The following DNAH17 variants were observed in gnomAD, a reference collection of about 807,000 sequenced individuals.
The protein encoded by DNAH17 is dynein axonemal heavy chain 17.
In DNAH17, 376 loss-of-function variants were observed where a neutral mutation model predicts 485.6. The ratio of observed to expected loss-of-function variants is 0.77; its 90% CI spans 0.71 to 0.84. The LOEUF is 0.84. Among genes scored for constraint, DNAH17 ranks in the 40% least tolerant of loss-of-function variants. DNAH17 has a pLI of 0.00. For synonymous variants in DNAH17, 3,031 were observed against 2,405.9 expected, an observed-to-expected ratio of 1.26 and a Z score of -7.60; for missense variants, 6,370 against 5,839.3, an observed-to-expected ratio of 1.09 and a Z score of -2.96.
At chr17:78,460,506 G>A (rs1348002489) in intron 58 of DNAH17, among the ~76,000 whole-genome samples, 1 of 152,248 alleles carries the variant, frequency 6.6e-6, no homozygotes, top group African/African-American at 2.4e-5. Flanking sequence ...AGCTCCATAA[G>A]AGAGGCTGCC....
rs113440957 is a variant in DNAH17 at position 78,542,421 on chromosome 17, T to G, written c.2532+1436A>C. Among the ~76,000 whole-genome samples the G allele has an allele frequency of 1.6e-4, 25 of 152,310 alleles. 1 individual carries two copies. Among genetic ancestry groups the G allele is most frequent in the African/African-American group, 5.5e-4 (23 of 41,560 alleles). On this transcript the variant is annotated intron_variant, in intron 17 of 80. Transcript: ENST00000389840. ...CCTCGGCCTCCCAAAGTGCTGGGAC[T>G]ACCAGCGTGAGCCACTACGCCCAGC...
At position 78,424,005 on chromosome 17, in the gene DNAH17, G is replaced by A; in HGVS notation, c.13290C>T (p.Arg4430=). ...TCCAGACATAGGTGGGGCCGCGGAT[G>A]CGTGTTTTGTACACGGGACACTCAT... ...NIYECPVYKT[R]IRGPTYVWTF... Residue 4430 remains arginine, a synonymous_variant, in exon 81 of 81, where the codon CGC becomes CGT. Transcript: ENST00000389840. 6.2e-7 allele frequency: 1 copy of A among 1,614,066 alleles called. No individual in the cohort carries two copies. Among genetic ancestry groups the A allele is most frequent in the Non-Finnish European group, 8.5e-7 (1 of 1,179,906 alleles).
chr17:78,545,917 T>C (rs1328425136), intron 16 of DNAH17, among the ~76,000 whole-genome samples: 1 of 152,202 alleles, frequency 6.6e-6, no homozygotes, highest in Non-Finnish European at 1.5e-5. Flanking sequence ...TAATATTTTA[T>C]GTGTATGTAT....
chr17:78,534,822 T>C (rs1009943611), intron 19 of DNAH17, among the ~76,000 whole-genome samples: 6 of 152,122 alleles, frequency 3.9e-5, no homozygotes, highest in African/African-American at 1.4e-4. Context: ...TGTGGCAGCC[T>C]GGGGCCCACA....
chr17:78,529,233 T>C (rs2091161419), intron 22 of DNAH17, among the ~76,000 whole-genome samples: 2 of 152,012 alleles, frequency 1.3e-5, no homozygotes, highest in Admixed American at 1.3e-4. Context: ...ACATTTTTAA[T>C]CCAACAAAAC....
chr17:78,556,282 T>C (rs57567002), intron 14 of DNAH17, among the ~76,000 whole-genome samples: 23,166 of 152,080 alleles, frequency 0.15, 1,982 homozygotes, highest in East Asian at 0.34. Context: ...TCTGGAGAAC[T>C]CTAACTAATA....
intron 75 of DNAH17, among the ~76,000 whole-genome samples, chr17:78,430,886 T>C (rs2086646969): frequency 6.7e-6 from 1 of 149,110 alleles, no homozygotes; most frequent in Non-Finnish European, 1.5e-5. Flanking sequence ...CCAGCCCATA[T>C]GTATATGTTT....
At chr17:78,463,170 G>C (rs2088227785) in intron 56 of DNAH17, 93 bp from the exon 57 acceptor site, 2 of 1,210,688 alleles carry the variant, frequency 1.7e-6, no homozygotes, top group Admixed American at 2.1e-5. Context: ...CCTGGACAAG[G>C]TGCCCTGAGA....
intron 16 of DNAH17, among the ~76,000 whole-genome samples, chr17:78,551,287 G>A (rs1327808807): frequency 1.3e-5 from 2 of 152,202 alleles, no homozygotes; most frequent in Non-Finnish European, 2.9e-5. Flanking sequence ...TACTGGCACT[G>A]GCCTGGCACA....
intron 33 of DNAH17, 30 bp downstream of exon 33, chr17:78,502,561 A>C: frequency 3.1e-6 from 5 of 1,589,508 alleles, no homozygotes; most frequent in Non-Finnish European, 4.3e-6. Flanking sequence ...AAGTTTTAAA[A>C]ACGTAACTAA....
intron 25 of DNAH17, among the ~76,000 whole-genome samples, chr17:78,518,776 A>G (rs2090855988): frequency 6.6e-6 from 1 of 152,232 alleles, no homozygotes. Context: ...ATACATTTAA[A>G]ATAATGAAAG....
Position 78,449,878 on chromosome 17 carries a change from G to GTTGGTCAGGCTGGTCTTGAACTC in DNAH17, c.11041-317_11041-295dup. On this transcript the variant is annotated intron_variant, in intron 68 of 80. Coordinates refer to ENST00000389840, the MANE Select transcript of DNAH17 (RefSeq NM_173628.4). ...TTTAGTACAGACAGGGTTTCACCATGTTGGTCAGGCTGGTCTTGAACTCCT... is the reference window on the plus strand; with the variant it reads ...TTTAGTACAGACAGGGTTTCACCATGTTGGTCAGGCTGGTCTTGAACTCTTGGTCAGGCTGGTCTTGAACTCCT... 1.2e-5 allele frequency: 5 copies of GTTGGTCAGGCTGGTCTTGAACTC among 430,016 alleles called. No homozygotes were observed. The South Asian group carries it at 1.5e-4, about 13-fold the overall frequency. 26.6% of individuals were successfully genotyped at this position (430,016 alleles called of 1,614,324 possible). A position where few individuals can be genotyped will look rare whatever the true frequency, so the allele number is the denominator to read the frequency against.
chr17:78,477,981 T>TCACCACCATCACCAC (rs1568117196), intron 51 of DNAH17, among the ~76,000 whole-genome samples: 7 of 105,670 alleles, frequency 6.6e-5, no homozygotes, highest in Non-Finnish European at 1.3e-4. Flanking sequence ...ACCATCATCA[T>TCACCACCATCACCAC]CACCACCATC....
chr17:78,491,467 G>C lies in DNAH17; in HGVS notation c.6645C>G (p.Leu2215=). The C allele has an allele frequency of 2.5e-6, 4 of 1,613,022 alleles. No homozygotes were observed. Among genetic ancestry groups the C allele is most frequent in the Non-Finnish European group, 3.4e-6 (4 of 1,179,556 alleles). ...GDIDPMWIES[L]NTVMDDNKVL... Reference sequence around the variant, plus strand: ...CCTTGTTGTCATCCATGACTGTGTTGAGAGACTCGATCCACATGGGGTCTA... The same window carrying C: ...CCTTGTTGTCATCCATGACTGTGTTCAGAGACTCGATCCACATGGGGTCTA... Residue 2215 remains leucine, a synonymous_variant, in exon 43 of 81, where the codon CTC becomes CTG. Coordinates refer to ENST00000389840, the MANE Select transcript of DNAH17 (RefSeq NM_173628.4).
rs747666226 is a variant in DNAH17 at position 78,428,565 on chromosome 17, G to A, written c.12548C>T (p.Thr4183Met). The stretch of plus-strand genomic sequence containing the variant: ...CACTCCCGTGCCTGCCCCCGAGTCC[G>A]TCTCTTTTGGCTGCATTTCCAGGAC... ...RTVLEMQPKETDSGAGTGVSR... is the reference protein window; with the variant it reads ...RTVLEMQPKEMDSGAGTGVSR... Residue 4183 changes from threonine to methionine, a missense_variant, in exon 77 of 81, where the codon ACG becomes ATG. Coordinates refer to ENST00000389840, the MANE Select transcript of DNAH17 (RefSeq NM_173628.4). 1.2e-5 allele frequency: 20 copies of A among 1,613,602 alleles called. No individual in the cohort carries two copies. The highest frequency in any genetic ancestry group is 1.6e-4 in the Middle Eastern group (1 of 6,062).
intron 19 of DNAH17, among the ~76,000 whole-genome samples, chr17:78,533,694 T>C (rs572179402): frequency 2.2e-4 from 34 of 152,306 alleles, no homozygotes; most frequent in African/African-American, 7.9e-4. Flanking sequence ...TGACATCTTA[T>C]TTCTTTTTGA....
intron 18 of DNAH17, among the ~76,000 whole-genome samples, chr17:78,537,795 A>C (rs2091417506): frequency 6.6e-6 from 1 of 152,184 alleles, no homozygotes. Context: ...GAGTCACTTA[A>C]CTCCCAGTTT....
intron 54 of DNAH17, chr17:78,472,593 A>G: frequency 2.8e-6 from 1 of 363,332 alleles, no homozygotes; most frequent in Non-Finnish European, 5.7e-6. Context: ...TTTCACAGAA[A>G]TAAAAACTCC....
chr17:78,487,397 C>T (rs531212534), intron 44 of DNAH17, among the ~76,000 whole-genome samples: 1 of 152,234 alleles, frequency 6.6e-6, no homozygotes, highest in Non-Finnish European at 1.5e-5. Flanking sequence ...ATCACTAGTG[C>T]CTGGCCCCCT....
Sources: gnomAD v4.1 joint callset for allele counts (sites outside exome capture counted in the v4.1 genomes callset) on GRCh38, gnomAD v4.1.1 for gene constraint, MANE v1.5 for transcripts, NCBI Gene and HGNC (gene_info 2026-07-23, HGNC 2026-07-21) for gene names.